CDH12: variants seen among roughly 807,000 people sequenced by gnomAD.
CDH12 encodes the protein cadherin 12.
A neutral mutation model predicts 74.1 loss-of-function variants in CDH12; 41 were observed. That is an observed-to-expected ratio of 0.55 (90% CI 0.43 to 0.72). The LOEUF (loss-of-function observed/expected upper bound fraction) is 0.72, where lower values mean the gene tolerates loss of function less well. Ranked by LOEUF, CDH12 falls within the 30% of genes least tolerant of loss-of-function variation. The pLI is 0.00. For synonymous variants in CDH12, 399 were observed against 355.0 expected (o/e 1.12, Z -1.39); for missense variants, 945 against 977.2 (o/e 0.97, Z 0.44).
chr5:22,565,034 T>A (rs1739225805), intron 1 of CDH12, among the ~76,000 whole-genome samples: 1 of 152,080 alleles, frequency 6.6e-6, no homozygotes, highest in Non-Finnish European at 1.5e-5. Flanking sequence ...ATCCTGGGTT[T>A]AAGTGACTGT....
intron 1 of CDH12, among the ~76,000 whole-genome samples, chr5:22,739,464 G>T (rs879807184): frequency 2.3e-4 from 35 of 151,844 alleles, no homozygotes; most frequent in Non-Finnish European, 3.8e-4. Context: ...AAATATTTTA[G>T]GAGAAGACTA....
chr5:22,443,270 C>T (rs1744695752), intron 2 of CDH12, among the ~76,000 whole-genome samples: 1 of 152,106 alleles, frequency 6.6e-6, no homozygotes, highest in Admixed American at 6.6e-5. Flanking sequence ...CCTAAAATTT[C>T]ACTAGGCCAT....
intron 8 of CDH12, among the ~76,000 whole-genome samples, chr5:21,833,030 A>C (rs867277696): frequency 8.9e-5 from 4 of 45,188 alleles, no homozygotes; most frequent in South Asian, 7.3e-4. Context: ...ATAATATATA[A>C]TATATAATAT....
chr5:22,218,164 T>A (rs1340089902), intron 3 of CDH12, among the ~76,000 whole-genome samples: 3 of 151,836 alleles, frequency 2.0e-5, no homozygotes, highest in Middle Eastern at 3.4e-3. Flanking sequence ...AAGGATGCAA[T>A]CACTCTAAAA....
Position 21,960,380 on chromosome 5 carries a change from C to A in CDH12, c.526+14711G>T, listed in dbSNP as rs568687067. 4.6e-5 allele frequency among the ~76,000 whole-genome samples: 7 copies of A among 152,232 alleles called. No homozygotes were observed. The South Asian group carries it at 1.0e-3, about 23-fold the overall frequency. ...AAGGAACTCTACTGAATACAAGGAA[C>A]TTTACTAATCTCTAATGCTTGTGAG... On this transcript the variant is annotated intron_variant, in intron 6 of 14. Coordinates refer to ENST00000382254, the MANE Select transcript of CDH12 (RefSeq NM_004061.5).
chr5:21,901,914 G>A (rs1273734542), intron 6 of CDH12, among the ~76,000 whole-genome samples: 1 of 78,544 alleles, frequency 1.3e-5, no homozygotes, highest in East Asian at 5.2e-4. Context: ...TGACTTTATT[G>A]TATAACAGAT....
At position 21,816,981 on chromosome 5, in the gene CDH12, A is replaced by G. The variant is rs1436159787; in HGVS notation, c.966T>C (p.Asp322=). The G allele has an allele frequency of 6.2e-7, 1 of 1,612,276 alleles. No individual in the cohort carries two copies. Among genetic ancestry groups the G allele is most frequent in the Non-Finnish European group, 8.5e-7 (1 of 1,178,904 alleles). Residue 322 remains aspartate, a synonymous_variant, in exon 9 of 15, where the codon GAT becomes GAC. Transcript: ENST00000382254. ...DGGNLFDIVT[D]EDTQEGVIKL... is the part of the protein sequence containing the mutation. ...TGATGACTCCCTCTTGTGTATCCTC[A>G]TCTGTGACGATGTCAAACAAATTTC...
intron 1 of CDH12, among the ~76,000 whole-genome samples, chr5:22,508,694 C>G (rs1287498018): frequency 6.6e-6 from 1 of 152,144 alleles, no homozygotes; most frequent in Admixed American, 6.6e-5. Context: ...TTTAGACAAA[C>G]TCAACTAATA....
rs991089101 is a variant in CDH12, at chr5:22,249,524, G to T, written c.-332-36881C>A. ...GAAGAACATTTTGACACATCAAAGA[G>T]CCTCAAGGAGCTGGTTTACTTTTAA... On this transcript the variant is annotated intron_variant, in intron 3 of 14. Transcript: ENST00000382254. Among the ~76,000 whole-genome samples, 4 of 152,298 alleles carry T rather than the reference G, an allele frequency of 2.6e-5. No homozygotes were observed. The East Asian group carries it at 5.8e-4, about 22-fold the overall frequency.
intron 4 of CDH12, among the ~76,000 whole-genome samples, chr5:22,184,016 G>A (rs1387650177): frequency 2.1e-5 from 3 of 144,526 alleles, no homozygotes; most frequent in Non-Finnish European, 4.5e-5. Context: ...AAATACCCTA[G>A]TGATAAAAAA....
At chr5:22,281,340 C>G (rs1736873163) in intron 3 of CDH12, among the ~76,000 whole-genome samples, 1 of 152,116 alleles carries the variant, frequency 6.6e-6, no homozygotes, top group Non-Finnish European at 1.5e-5. Flanking sequence ...TCTCTCACCA[C>G]TCCTATTAAA....
chr5:22,753,393 C>G (rs904932300), intron 1 of CDH12, among the ~76,000 whole-genome samples: 3 of 148,058 alleles, frequency 2.0e-5, no homozygotes, highest in Admixed American at 6.8e-5. Context: ...TCTGAGATCG[C>G]GCCATTGCAC....
At chr5:22,498,901 C>CTTTTTTTTTTTTTTTTTTTTTT (rs34550762) in intron 2 of CDH12, among the ~76,000 whole-genome samples, 12 of 73,432 alleles carry the variant, frequency 1.6e-4, no homozygotes, top group South Asian at 4.2e-4. Context: ...TTTTCTGTTT[C>CTTTTTTTTTTTTTTTTTTTTTT]TTTTTTTTTT....
intron 2 of CDH12, among the ~76,000 whole-genome samples, chr5:22,499,476 T>C (rs1230555396): frequency 5.9e-5 from 9 of 152,140 alleles, no homozygotes; most frequent in Non-Finnish European, 8.8e-5. Flanking sequence ...AGCACAGTCT[T>C]GTTAGAAAAC....
At chr5:22,830,639 G>A (rs560842193) in intron 1 of CDH12, among the ~76,000 whole-genome samples, 1 of 150,462 alleles carries the variant, frequency 6.6e-6, no homozygotes, top group African/African-American at 2.5e-5. Flanking sequence ...TATATTTTCT[G>A]TTTCTAATTA....
chr5:21,940,256 A>G (rs1371344788), intron 6 of CDH12, among the ~76,000 whole-genome samples: 2 of 152,098 alleles, frequency 1.3e-5, no homozygotes, highest in African/African-American at 2.4e-5. Context: ...AGAAATAAAT[A>G]TGATGATATG....
At chr5:21,869,684 G>C (rs1751515445) in intron 6 of CDH12, among the ~76,000 whole-genome samples, 2 of 151,962 alleles carry the variant, frequency 1.3e-5, no homozygotes, top group African/African-American at 4.8e-5. Context: ...CCTCTTCAGG[G>C]GAAGGAATTA....
rs1024566787 is a variant in CDH12 at position 22,254,794 on chromosome 5, G to A, written c.-332-42151C>T. 4.6e-5 allele frequency among the ~76,000 whole-genome samples: 7 copies of A among 151,736 alleles called. 1 individual carries two copies. Among genetic ancestry groups the A allele is most frequent in the Admixed American group, 4.6e-4 (7 of 15,196 alleles). The stretch of plus-strand genomic sequence containing the variant: ...GGTGTATTATATTTATGGGGTAGAT[G>A]AGATATTTTGATACAAACATACCAT... On this transcript the variant is annotated intron_variant, in intron 3 of 14. Transcript: ENST00000382254.
chr5:21,872,900 T>TCTATCTATCTATCTATCTATCTAC lies in CDH12; in HGVS notation c.527-18111_527-18110insGTAGATAGATAGATAGATAGATAG, dbSNP rs1165557900. On this transcript the variant is annotated intron_variant, in intron 6 of 14. Coordinates refer to ENST00000382254, the MANE Select transcript of CDH12 (RefSeq NM_004061.5). Reference sequence around the variant, plus strand: ...CAATCACCTACCTATCATCCATCTATCTATCTATCTATCTATCTATCATCT... The same window carrying TCTATCTATCTATCTATCTATCTAC: ...CAATCACCTACCTATCATCCATCTATCTATCTATCTATCTATCTATCTACCTATCTATCTATCTATCTATCATCT... Among the ~76,000 whole-genome samples the TCTATCTATCTATCTATCTATCTAC allele has an allele frequency of 9.5e-4, 144 of 151,720 alleles. 2 individuals are homozygous for TCTATCTATCTATCTATCTATCTAC. Among genetic ancestry groups the TCTATCTATCTATCTATCTATCTAC allele is most frequent in the Middle Eastern group, 6.8e-3 (2 of 294 alleles).
Sources: allele counts gnomAD v4.1 joint callset (sites outside exome capture counted in the v4.1 genomes callset), GRCh38; gene constraint gnomAD v4.1.1; transcripts MANE v1.5; gene names NCBI Gene and HGNC (gene_info 2026-07-23, HGNC 2026-07-21).